The following INPP5A variants were observed in gnomAD, a reference collection of about 807,000 sequenced individuals.
INPP5A encodes the protein inositol polyphosphate-5-phosphatase A.
In INPP5A, 14 loss-of-function variants were observed where a neutral mutation model predicts 65.2. The ratio of observed to expected loss-of-function variants is 0.21; its 90% CI spans 0.14 to 0.34. The LOEUF is 0.34. Ranked by LOEUF, INPP5A falls within the 10% of genes least tolerant of loss-of-function variation. The pLI, the probability that INPP5A is intolerant of heterozygous loss-of-function variation, is 1.00. For missense variants in INPP5A, 431 were observed against 545.6 expected, an observed-to-expected ratio of 0.79 and a Z score of 2.09; for synonymous variants, 207 against 208.3, an observed-to-expected ratio of 0.99 and a Z score of 0.05.
rs999459973 is a variant in INPP5A at position 132,741,389 on chromosome 10, C to T, written c.733-8128C>T. 6.6e-6 allele frequency among the ~76,000 whole-genome samples: 1 copy of T among 152,224 alleles called. No homozygotes were observed. The highest frequency in any genetic ancestry group is 2.4e-5 in the African/African-American group (1 of 41,460). On this transcript the variant is annotated intron_variant, in intron 9 of 15. Transcript: ENST00000368594. This position sits in a 1 kb window ranked among gnomAD's most constrained non-coding sequence, Gnocchi z 4.4. ...TGGTCTCAGTCTGGTTCCTGCTGGACAAACACTGCAGGTTCACACCACGGG... is the reference window on the plus strand; with the variant it reads ...TGGTCTCAGTCTGGTTCCTGCTGGATAAACACTGCAGGTTCACACCACGGG...
intron 9 of INPP5A, among the ~76,000 whole-genome samples, chr10:132,729,993 C>A (rs1056439003): frequency 6.6e-6 from 1 of 152,222 alleles, no homozygotes. Flanking sequence ...GAGAGCCGCC[C>A]ACACCACCAT....
At chr10:132,692,890 A>G (rs1401031446) in intron 5 of INPP5A, among the ~76,000 whole-genome samples, 1 of 152,216 alleles carries the variant, frequency 6.6e-6, no homozygotes, top group South Asian at 2.1e-4. Flanking sequence ...GTGAAGGTAA[A>G]ATGAAATATA....
At chr10:132,671,714 A>G (rs2072895034) in intron 4 of INPP5A, among the ~76,000 whole-genome samples, 1 of 152,218 alleles carries the variant, frequency 6.6e-6, no homozygotes, top group Admixed American at 6.5e-5. Context: ...CATGTGCCTT[A>G]CATGTGCCAC....
rs1374149443 is a variant in INPP5A at position 132,777,531 on chromosome 10, A to G, written c.978-140A>G. On this transcript the variant is annotated intron_variant, in intron 12 of 15. Coordinates refer to ENST00000368594, the MANE Select transcript of INPP5A (RefSeq NM_005539.5). Reference sequence around the variant, plus strand: ...TTGTGAATTTGGTTTTATATTCTAGAAACTTCCATGTGTGTATTCATTCCC... The same window carrying G: ...TTGTGAATTTGGTTTTATATTCTAGGAACTTCCATGTGTGTATTCATTCCC... The G allele has an allele frequency of 1.0e-5, 7 of 696,874 alleles. No individual in the cohort carries two copies. In the Admixed American group the frequency reaches 1.2e-4, roughly 12 times the overall value. The allele number at this position is 696,874 out of a possible 1,614,324, so 43.2% of individuals were successfully genotyped here. A position where few individuals can be genotyped will look rare whatever the true frequency, so the allele number is the denominator to read the frequency against.
intron 9 of INPP5A, among the ~76,000 whole-genome samples, chr10:132,737,281 C>A (rs1038907597): frequency 4.6e-5 from 7 of 152,168 alleles, no homozygotes; most frequent in Non-Finnish European, 7.4e-5. Context: ...TCCCACAGAC[C>A]CCAGAAAGCC....
At chr10:132,642,409 G>A (rs754708174) in intron 2 of INPP5A, among the ~76,000 whole-genome samples, 26 of 152,206 alleles carry the variant, frequency 1.7e-4, no homozygotes, top group Non-Finnish European at 2.5e-4. Flanking sequence ...CTGGCGTTCC[G>A]GGGCCCCTGA....
chr10:132,765,067 C>T (rs1287584727), intron 11 of INPP5A, among the ~76,000 whole-genome samples: 3 of 142,578 alleles, frequency 2.1e-5, no homozygotes, highest in South Asian at 2.3e-4. Context: ...CTCAGAAACA[C>T]GACCGGGTCA....
At chr10:132,655,280 A>G (rs1407872565) in intron 4 of INPP5A, among the ~76,000 whole-genome samples, 1 of 152,156 alleles carries the variant, frequency 6.6e-6, no homozygotes, top group African/African-American at 2.4e-5. Flanking sequence ...ATGTCCACCC[A>G]CAGCACTGGA....
intron 13 of INPP5A, among the ~76,000 whole-genome samples, chr10:132,780,191 C>T (rs796604233): frequency 5.3e-5 from 8 of 152,352 alleles, no homozygotes; most frequent in African/African-American, 1.7e-4. Context: ...GATGCTCCAG[C>T]TGTGGATATA....
intron 4 of INPP5A, among the ~76,000 whole-genome samples, chr10:132,662,684 C>G (rs956410039): frequency 6.6e-6 from 1 of 152,108 alleles, no homozygotes. Context: ...GCACCTTGGC[C>G]GAGGTGAGGA....
chr10:132,564,592 T>C (rs1008774693), intron 1 of INPP5A, among the ~76,000 whole-genome samples: 30 of 152,184 alleles, frequency 2.0e-4, no homozygotes, highest in African/African-American at 6.5e-4. Flanking sequence ...TCAGTGTTAT[T>C]GGAGTAGAAG....
chr10:132,775,309 G>A (rs1847045120), intron 12 of INPP5A, among the ~76,000 whole-genome samples: 1 of 151,942 alleles, frequency 6.6e-6, no homozygotes, highest in Non-Finnish European at 1.5e-5. Context: ...GTAGGCGCAG[G>A]TGCGCCCCTG....
chr10:132,740,891 A>G (rs1590973298), intron 9 of INPP5A, among the ~76,000 whole-genome samples: 1 of 152,128 alleles, frequency 6.6e-6, no homozygotes, highest in African/African-American at 2.4e-5. Context: ...CGTCACAGTG[A>G]TTTCCTGGAG....
intron 5 of INPP5A, among the ~76,000 whole-genome samples, chr10:132,695,238 G>GATCAAAA (rs1402357191): frequency 6.6e-6 from 1 of 151,672 alleles, no homozygotes; most frequent in Non-Finnish European, 1.5e-5. Context: ...GGCAAAAGAA[G>GATCAAAA]GAAAATCACA....
intron 5 of INPP5A, among the ~76,000 whole-genome samples, chr10:132,696,731 C>T (rs1388129947): frequency 6.6e-6 from 1 of 152,204 alleles, no homozygotes; most frequent in Non-Finnish European, 1.5e-5. Context: ...CTCATGCTGT[C>T]TCCTGTCCAT....
intron 1 of INPP5A, among the ~76,000 whole-genome samples, chr10:132,548,912 T>C (rs1039255583): frequency 6.6e-6 from 1 of 151,546 alleles, no homozygotes; most frequent in Non-Finnish European, 1.5e-5. Context: ...TCTTCCTGCT[T>C]CAGCCTCCTG....
chr10:132,606,087 A>C (rs1590862694), intron 1 of INPP5A, among the ~76,000 whole-genome samples: 1 of 152,062 alleles, frequency 6.6e-6, no homozygotes, highest in African/African-American at 2.4e-5. Flanking sequence ...GTCCGCTGTC[A>C]CATTTGTGCG....
At chr10:132,739,450 C>T (rs2134614059) in intron 9 of INPP5A, among the ~76,000 whole-genome samples, 1 of 152,354 alleles carries the variant, frequency 6.6e-6, no homozygotes, top group South Asian at 2.1e-4. Context: ...CTCATCCTTA[C>T]CCTGCACCTG....
intron 12 of INPP5A, among the ~76,000 whole-genome samples, chr10:132,774,060 C>T (rs1159546552): frequency 1.3e-5 from 2 of 152,218 alleles, no homozygotes; most frequent in African/African-American, 2.4e-5. Flanking sequence ...CCATGCCCAG[C>T]CCCCCAGACC....
Sources: gnomAD v4.1 joint callset for allele counts (sites outside exome capture counted in the v4.1 genomes callset) on GRCh38, gnomAD v4.1.1 for gene constraint, Gnocchi (gnomAD v3.1) non-coding constraint, MANE v1.5 for transcripts, NCBI Gene and HGNC (gene_info 2026-07-23, HGNC 2026-07-21) for gene names.